CHN2: variants seen among roughly 807,000 people sequenced by gnomAD.
CHN2 encodes the protein beta-chimaerin.
Under a neutral mutation model 56.3 loss-of-function variants are expected in CHN2, and 35 were observed. The ratio of observed to expected loss-of-function variants is 0.62; its 90% confidence interval spans 0.47 to 0.82. The LOEUF (loss-of-function observed/expected upper bound fraction) is 0.82, where lower values mean the gene tolerates loss of function less well. CHN2 is among the 40% of genes least tolerant of loss of function. The pLI is 0.00. For missense variants in CHN2, 491 were observed against 580.5 expected, an observed-to-expected ratio of 0.85 and a Z score of 1.58; for synonymous variants, 210 against 212.8, an observed-to-expected ratio of 0.99 and a Z score of 0.12.
chr7:29,204,377 G>A (rs1005582800), intron 1 of CHN2, among the ~76,000 whole-genome samples: 3 of 152,108 alleles, frequency 2.0e-5, no homozygotes, highest in Non-Finnish European at 4.4e-5. Flanking sequence ...CTAATGATAT[G>A]TAGATATTAA....
chr7:29,251,345 T>A (rs531750021), intron 1 of CHN2, among the ~76,000 whole-genome samples: 54 of 152,132 alleles, frequency 3.5e-4, no homozygotes, highest in African/African-American at 1.2e-3. Flanking sequence ...TCCCACCTAC[T>A]TAGGAGGCTG....
intron 1 of CHN2, among the ~76,000 whole-genome samples, chr7:29,314,202 A>T (rs1419942288): frequency 6.6e-6 from 1 of 152,252 alleles, no homozygotes; most frequent in Non-Finnish European, 1.5e-5. Flanking sequence ...ATAGAATGTT[A>T]TTCAGCCTTA....
intron 1 of CHN2, among the ~76,000 whole-genome samples, chr7:29,235,641 G>A (rs1787131264): frequency 6.6e-6 from 1 of 152,194 alleles, no homozygotes; most frequent in South Asian, 2.1e-4. Flanking sequence ...CAATGTAGAT[G>A]TCTATCAACA....
intron 1 of CHN2, among the ~76,000 whole-genome samples, chr7:29,281,619 A>G (rs1791723639): frequency 6.6e-6 from 1 of 152,220 alleles, no homozygotes; most frequent in Non-Finnish European, 1.5e-5. Context: ...ACATGAAATA[A>G]TATGTTTAAA....
chr7:29,295,346 C>CACACACACACAG (rs1245214192), intron 1 of CHN2, among the ~76,000 whole-genome samples: 1 of 150,634 alleles, frequency 6.6e-6, no homozygotes, highest in Non-Finnish European at 1.5e-5. Flanking sequence ...CACACACACA[C>CACACACACACAG]AGATTATAAA....
At chr7:29,294,816 T>TTTCTCCAGTCCTC in intron 1 of CHN2, among the ~76,000 whole-genome samples, 1 of 152,346 alleles carries the variant, frequency 6.6e-6, no homozygotes, top group East Asian at 1.9e-4. Context: ...ATTCCTTCTC[T>TTTCTCCAGTCCTC]ATTTATGCTT....
chr7:29,418,244 C>T (rs189803491), intron 6 of CHN2, among the ~76,000 whole-genome samples: 1 of 152,214 alleles, frequency 6.6e-6, no homozygotes, highest in Non-Finnish European at 1.5e-5. Context: ...GTGGAGCTAA[C>T]TAAGTAAATG....
At chr7:29,302,744 T>G (rs1423822846) in intron 1 of CHN2, among the ~76,000 whole-genome samples, 1 of 152,104 alleles carries the variant, frequency 6.6e-6, no homozygotes, top group Non-Finnish European at 1.5e-5. Flanking sequence ...CTGTACCGAT[T>G]AAACAATAAC....
intron 2 of CHN2, among the ~76,000 whole-genome samples, chr7:29,160,461 C>T (rs1795027104): frequency 1.3e-5 from 2 of 152,124 alleles, no homozygotes. Context: ...ATGTTTGACC[C>T]TAGTCAGTCA....
intron 5 of CHN2, among the ~76,000 whole-genome samples, chr7:29,398,810 C>T (rs903775763): frequency 3.3e-5 from 5 of 149,796 alleles, no homozygotes; most frequent in South Asian, 2.1e-4. Flanking sequence ...CCATGTTGCC[C>T]GGGCTGGTCT....
intron 1 of CHN2, among the ~76,000 whole-genome samples, chr7:29,336,631 A>T (rs1488983040): frequency 6.6e-6 from 1 of 151,908 alleles, no homozygotes; most frequent in Non-Finnish European, 1.5e-5. Flanking sequence ...ATAGTACTGC[A>T]CACCTGTAGT....
intron 1 of CHN2, among the ~76,000 whole-genome samples, chr7:29,299,613 C>T (rs2128876575): frequency 6.9e-6 from 1 of 145,430 alleles, no homozygotes; most frequent in South Asian, 2.1e-4. Flanking sequence ...TTCTGGAAAG[C>T]ACAACATGGA....
intron 1 of CHN2, among the ~76,000 whole-genome samples, chr7:29,283,514 T>A (rs1478561563): frequency 2.6e-5 from 4 of 152,196 alleles, no homozygotes; most frequent in African/African-American, 9.7e-5. Context: ...TATTTGCAGA[T>A]AATAAGTAAG....
chr7:29,326,955 C>T (rs1795848660), intron 1 of CHN2, among the ~76,000 whole-genome samples: 1 of 152,132 alleles, frequency 6.6e-6, no homozygotes, highest in African/African-American at 2.4e-5. Flanking sequence ...TTATTCTATC[C>T]CATTTTACAA....
chr7:29,420,997 C>T (rs547098062), intron 6 of CHN2, among the ~76,000 whole-genome samples: 16 of 152,156 alleles, frequency 1.1e-4, no homozygotes, highest in Admixed American at 8.5e-4. Flanking sequence ...GACGGGGTTT[C>T]GCCATGTTGG....
At chr7:29,466,033 G>A (rs1006280730) in intron 6 of CHN2, among the ~76,000 whole-genome samples, 7 of 152,054 alleles carry the variant, frequency 4.6e-5, no homozygotes, top group Non-Finnish European at 8.8e-5. Context: ...GTGAAACCCC[G>A]TCTCTATTAA....
intron 2 of CHN2, among the ~76,000 whole-genome samples, chr7:29,162,939 TAC>T (rs1562801980): frequency 1.3e-5 from 2 of 152,184 alleles, no homozygotes; most frequent in Admixed American, 1.3e-4. Context: ...TATAGAAATA[TAC>T]ACAGAGACAG....
At chr7:29,409,736 G>A (rs1381308063) in intron 6 of CHN2, among the ~76,000 whole-genome samples, 1 of 152,212 alleles carries the variant, frequency 6.6e-6, no homozygotes, top group African/African-American at 2.4e-5. Context: ...GGCAATTACT[G>A]TAATAAAATC....
At chr7:29,179,817 T>C (rs913382370) in intron 2 of CHN2, among the ~76,000 whole-genome samples, 1 of 152,256 alleles carries the variant, frequency 6.6e-6, no homozygotes, top group African/African-American at 2.4e-5. Context: ...TGTTTTCTTA[T>C]GCTTTGCAAA....
Sources: allele counts gnomAD v4.1 joint callset (sites outside exome capture counted in the v4.1 genomes callset), GRCh38; gene constraint gnomAD v4.1.1; transcripts MANE v1.5; gene names NCBI Gene and HGNC (gene_info 2026-07-23, HGNC 2026-07-21).